STXBP5L: variants seen among roughly 807,000 people sequenced by gnomAD.
The protein encoded by STXBP5L is syntaxin binding protein 5L.
In STXBP5L, 65 loss-of-function variants were observed where a neutral mutation model predicts 144.5. The ratio of observed to expected loss-of-function variants is 0.45; its 90% CI spans 0.37 to 0.55. STXBP5L has a LOEUF of 0.55. Ranked by LOEUF, STXBP5L falls within the 20% of genes least tolerant of loss-of-function variation. The pLI is 0.00. For missense variants in STXBP5L, 1,298 were observed against 1,405.5 expected (o/e 0.92, Z 1.22); for synonymous variants, 505 against 469.6 (o/e 1.08, Z -0.97).
chr3:121,156,654 C>G (rs1267866180), intron 8 of STXBP5L, among the ~76,000 whole-genome samples: 2 of 151,834 alleles, frequency 1.3e-5, no homozygotes, highest in Non-Finnish European at 2.9e-5. Flanking sequence ...ACAGTCAGCC[C>G]TCCGTATCCA....
intron 19 of STXBP5L, among the ~76,000 whole-genome samples, chr3:121,287,336 C>T (rs562633410): frequency 1.3e-5 from 2 of 152,194 alleles, no homozygotes; most frequent in East Asian, 1.9e-4. Flanking sequence ...ATGAAGAAAA[C>T]TTAATGAAAT....
At chr3:121,353,887 GT>G (rs1560011907) in intron 20 of STXBP5L, among the ~76,000 whole-genome samples, 1 of 152,080 alleles carries the variant, frequency 6.6e-6, no homozygotes. Context: ...ATTGTTCTTT[GT>G]TCTCATTGGT....
At chr3:121,087,961 T>A (rs2042581290) in intron 5 of STXBP5L, among the ~76,000 whole-genome samples, 1 of 152,134 alleles carries the variant, frequency 6.6e-6, no homozygotes, top group Non-Finnish European at 1.5e-5. Flanking sequence ...TCCCTTTACT[T>A]CTCTCATTTA....
intron 3 of STXBP5L, among the ~76,000 whole-genome samples, chr3:120,988,088 A>G (rs1367357076): frequency 1.3e-5 from 2 of 149,402 alleles, no homozygotes; most frequent in Admixed American, 1.3e-4. Flanking sequence ...TTCAAGAACT[A>G]GCCTGTTGCT....
rs201890335 is a variant in STXBP5L at position 121,045,441 on chromosome 3, T to G, written c.376T>G (p.Leu126Val). The change falls in exon 5 of 27, where the codon TTG becomes GTG. Residue 126 changes from leucine (L) to valine (V), a missense_variant. Leu to Val is a conservative substitution (Grantham distance 32). Transcript: ENST00000471454. ...QLQFLINEGA[L>V]VSASSDDTLH... ...TATCTTCTTTTTGTTCTAGGGTGCCTTGGTCAGTGCAAGTTCAGATGATAC... is the reference window on the plus strand; with the variant it reads ...TATCTTCTTTTTGTTCTAGGGTGCCGTGGTCAGTGCAAGTTCAGATGATAC... The G allele has an allele frequency of 2.5e-6, 4 of 1,609,640 alleles. No homozygotes were observed. The highest frequency in any genetic ancestry group is 3.4e-6 in the Non-Finnish European group (4 of 1,178,192).
chr3:120,992,957 G>T (rs1001198969), intron 3 of STXBP5L, among the ~76,000 whole-genome samples: 4 of 152,038 alleles, frequency 2.6e-5, no homozygotes, highest in Admixed American at 2.0e-4. Flanking sequence ...ATCCTTGCCA[G>T]TATCTGCTAT....
chr3:121,055,506 C>A (rs1019454153), intron 5 of STXBP5L, among the ~76,000 whole-genome samples: 2 of 151,860 alleles, frequency 1.3e-5, no homozygotes, highest in Admixed American at 1.3e-4. Context: ...ATTATTATTA[C>A]TATTATTGGA....
intron 5 of STXBP5L, among the ~76,000 whole-genome samples, chr3:121,062,338 G>A (rs530440019): frequency 2.0e-4 from 31 of 152,242 alleles, no homozygotes; most frequent in Non-Finnish European, 4.0e-4. Context: ...CTTCTGGCTG[G>A]TAGGGTTTCT....
intron 9 of STXBP5L, among the ~76,000 whole-genome samples, chr3:121,203,862 G>A (rs536185477): frequency 6.6e-6 from 1 of 152,108 alleles, no homozygotes; most frequent in African/African-American, 2.4e-5. Context: ...CTCTCCCCTG[G>A]CTGTGTCACT....
chr3:121,383,172 C>G (rs932966103), intron 22 of STXBP5L, among the ~76,000 whole-genome samples: 1 of 151,988 alleles, frequency 6.6e-6, no homozygotes, highest in Non-Finnish European at 1.5e-5. Context: ...TGCAGTGGCT[C>G]ACACCTATAA....
intron 3 of STXBP5L, among the ~76,000 whole-genome samples, chr3:120,976,839 A>G (rs375444248): frequency 1.3e-5 from 2 of 152,002 alleles, no homozygotes; most frequent in South Asian, 2.1e-4. Context: ...TTCAGTTTCC[A>G]TGTAGTTGAG....
chr3:121,317,049 G>A (rs1315499319), intron 19 of STXBP5L, among the ~76,000 whole-genome samples: 1 of 152,092 alleles, frequency 6.6e-6, no homozygotes, highest in Non-Finnish European at 1.5e-5. Flanking sequence ...TTCCTAATTT[G>A]TATATCTAGG....
intron 7 of STXBP5L, among the ~76,000 whole-genome samples, chr3:121,137,057 T>C (rs527653125): frequency 6.6e-6 from 1 of 152,200 alleles, no homozygotes; most frequent in Admixed American, 6.5e-5. Flanking sequence ...AAGGGAACAG[T>C]AGACACTGGT....
chr3:121,346,449 T>A (rs2044988762), intron 20 of STXBP5L, among the ~76,000 whole-genome samples: 1 of 152,148 alleles, frequency 6.6e-6, no homozygotes, highest in Non-Finnish European at 1.5e-5. Flanking sequence ...TTATTTATAA[T>A]CCTTTGGGTA....
At chr3:121,182,119 G>T (rs923565568) in intron 9 of STXBP5L, among the ~76,000 whole-genome samples, 1 of 152,150 alleles carries the variant, frequency 6.6e-6, no homozygotes, top group African/African-American at 2.4e-5. Context: ...AGATCATCAA[G>T]ACAGAAAGAC....
intron 5 of STXBP5L, among the ~76,000 whole-genome samples, chr3:121,068,601 C>T (rs2041659799): frequency 6.6e-6 from 1 of 152,076 alleles, no homozygotes; most frequent in Non-Finnish European, 1.5e-5. Flanking sequence ...ATGACAGCAA[C>T]TTGCACTTTA....
intron 7 of STXBP5L, among the ~76,000 whole-genome samples, chr3:121,136,423 T>C (rs2045260473): frequency 6.6e-6 from 1 of 152,096 alleles, no homozygotes; most frequent in South Asian, 2.1e-4. Context: ...TCAACCAACA[T>C]CACTTCTTGC....
intron 3 of STXBP5L, among the ~76,000 whole-genome samples, chr3:121,022,169 G>A (rs556275555): frequency 6.6e-6 from 1 of 152,036 alleles, no homozygotes; most frequent in Non-Finnish European, 1.5e-5. Context: ...AAAACCTAGA[G>A]GAGATGGATA....
At chr3:120,917,750 T>C (rs1409500582) in intron 2 of STXBP5L, among the ~76,000 whole-genome samples, 1 of 152,166 alleles carries the variant, frequency 6.6e-6, no homozygotes, top group Non-Finnish European at 1.5e-5. Flanking sequence ...GGTATCTAAT[T>C]TGGAATTTTT....
Sources: gnomAD v4.1 joint callset for allele counts (sites outside exome capture counted in the v4.1 genomes callset) on GRCh38, gnomAD v4.1.1 for gene constraint, MANE v1.5 for transcripts, NCBI Gene and HGNC (gene_info 2026-07-23, HGNC 2026-07-21) for gene names.